Variants in DPEP1 observed in about 807,000 individuals in gnomAD.
DPEP1 encodes the protein dipeptidase 1.
DPEP1 carries 50 observed loss-of-function variants against 42.3 expected under a neutral mutation model. That is an observed-to-expected ratio of 1.18 (90% CI 0.94 to 1.50). DPEP1 has a LOEUF of 1.50. Among genes scored for constraint, DPEP1 ranks in the 40% most tolerant of loss-of-function variants. The pLI is 0.00. For missense variants in DPEP1, 663 were observed against 553.0 expected, an observed-to-expected ratio of 1.20 and a Z score of -1.99; for synonymous variants, 297 against 234.0, an observed-to-expected ratio of 1.27 and a Z score of -2.46.
intron 1 of DPEP1, among the ~76,000 whole-genome samples, chr16:89,621,664 C>G (rs543104894): frequency 6.6e-6 from 1 of 152,340 alleles, no homozygotes; most frequent in African/African-American, 2.4e-5. Context: ...GTCCCTCGCA[C>G]ATGCAAGGAA....
intron 1 of DPEP1, among the ~76,000 whole-genome samples, chr16:89,627,307 G>C (rs1443227414): frequency 6.8e-6 from 1 of 147,498 alleles, no homozygotes; most frequent in Non-Finnish European, 1.5e-5. Context: ...GTGGGATCAG[G>C]CATGGTGGCT....
intron 1 of DPEP1, among the ~76,000 whole-genome samples, chr16:89,625,253 G>T (rs1038741124): frequency 6.6e-6 from 1 of 151,964 alleles, no homozygotes; most frequent in African/African-American, 2.4e-5. Context: ...GATTCAGCAC[G>T]AATTGGCCTA....
intron 1 of DPEP1, among the ~76,000 whole-genome samples, chr16:89,626,924 C>T (rs1399350886): frequency 2.0e-5 from 3 of 150,918 alleles, no homozygotes; most frequent in African/African-American, 7.3e-5. Flanking sequence ...TTGAGACCAC[C>T]CTGGCCAACA....
chr16:89,619,710 C>T (rs138106968), intron 1 of DPEP1, among the ~76,000 whole-genome samples: 37 of 2,974 alleles, frequency 0.012, 4 homozygotes, highest in South Asian at 0.024. Context: ...CCCCTCCCTG[C>T]AGCCCCCTGC....
chr16:89,628,225 A>G (rs1431646325), intron 1 of DPEP1, among the ~76,000 whole-genome samples: 3 of 149,526 alleles, frequency 2.0e-5, no homozygotes, highest in Non-Finnish European at 4.4e-5. Context: ...CCCGGCCACA[A>G]AAGGTATTTC....
At chr16:89,637,730 C>G in intron 9 of DPEP1, 23 bp downstream of exon 9, 1 of 1,613,008 alleles carries the variant, frequency 6.2e-7, no homozygotes, top group South Asian at 1.1e-5. Context: ...GAGCTCTGTC[C>G]TGTGGATGAG....
Position 89,637,471 on chromosome 16 carries a change from C to G in DPEP1, c.772C>G (p.Gln258Glu). Residue 258 changes from glutamine to glutamate, a missense_variant, in exon 8 of 11, where the codon CAG becomes GAG. By Grantham distance (29) the Gln-to-Glu change is conservative. Transcript: ENST00000690203. ...CCCTGTCTTCCTTCTTGTGCAGAAA[C>G]AGACAGACAGCCTGGTGATGGTGAA... The part of the protein sequence containing the change: ...VPDDVLRLVK[Q>E]TDSLVMVNFY... The G allele has an allele frequency of 6.2e-7, 1 of 1,612,674 alleles. No individual in the cohort carries two copies.
intron 1 of DPEP1, among the ~76,000 whole-genome samples, chr16:89,624,491 C>T (rs560381556): frequency 2.0e-3 from 297 of 151,200 alleles, no homozygotes; most frequent in Non-Finnish European, 2.8e-3. Context: ...CGAGAAAGGT[C>T]GGGAGTGGGG....
At chr16:89,613,356 C>T (rs897139860), upstream of DPEP1, 1 of 151,620 alleles carries the variant, frequency 6.6e-6, no homozygotes, top group Non-Finnish European at 1.5e-5. Context: ...TCTCAGGGCA[C>T]TCTCAGGAAA....
At chr16:89,640,720 C>T, downstream of DPEP1, 2 of 797,178 alleles carry the variant, frequency 2.5e-6, no homozygotes, top group Non-Finnish European at 3.0e-6. Context: ...GGTATTAGGC[C>T]TAATTTTATT....
intron 2 of DPEP1, among the ~76,000 whole-genome samples, chr16:89,631,728 A>T (rs563543210): frequency 6.6e-6 from 1 of 152,100 alleles, no homozygotes; most frequent in Non-Finnish European, 1.5e-5. Context: ...ATGGTGGCGC[A>T]TGCCTGTAGT....
Position 89,630,492 on chromosome 16 carries a change from A to G in DPEP1, c.82A>G (p.Arg28Gly), listed in dbSNP as rs143733669. ...TCGGGACGAGGCAGAGAGGATCATG[A>G]GGGACTCCCCTGTCATTGATGGGTG... is the stretch of plus-strand genomic sequence containing the variant. The part of the protein sequence containing the change: ...FFRDEAERIM[R>G]DSPVIDGHND... The change falls in exon 2 of 11, where the codon AGG (arginine) becomes GGG (glycine). Residue 28 changes from arginine (R) to glycine (G), a missense_variant. Transcript: ENST00000690203. 1 of 1,591,546 alleles carries G rather than the reference A, an allele frequency of 6.3e-7. No individual in the cohort carries two copies. The highest frequency in any genetic ancestry group is 1.4e-5 in the African/African-American group (1 of 71,186).
chr16:89,617,404 T>G (rs1053793931), intron 1 of DPEP1, among the ~76,000 whole-genome samples: 4 of 152,120 alleles, frequency 2.6e-5, no homozygotes, highest in African/African-American at 9.7e-5. Flanking sequence ...GAAGAATTGC[T>G]CAGCTAACAT....
At chr16:89,625,136 G>C in intron 1 of DPEP1, among the ~76,000 whole-genome samples, 1 of 152,086 alleles carries the variant, frequency 6.6e-6, no homozygotes, top group East Asian at 1.9e-4. Flanking sequence ...TGGATTCAGC[G>C]TGCTTTGGCC....
chr16:89,621,063 C>A (rs1201013811), intron 1 of DPEP1, among the ~76,000 whole-genome samples: 1 of 151,840 alleles, frequency 6.6e-6, no homozygotes, highest in Non-Finnish European at 1.5e-5. Context: ...GAGGATGGAA[C>A]CGGCGGGGGC....
chr16:89,636,083 C>T (rs1443184768), intron 3 of DPEP1, 43 bp downstream of exon 3: 4 of 1,577,930 alleles, frequency 2.5e-6, no homozygotes, highest in Middle Eastern at 1.7e-4. Flanking sequence ...GTGGGGTCAT[C>T]CCGTCTCCTA....
At chr16:89,636,139 G>C in intron 3 of DPEP1, 99 bp downstream of exon 3, 1 of 1,546,784 alleles carries the variant, frequency 6.5e-7, no homozygotes, top group South Asian at 1.2e-5. Flanking sequence ...TGTTCCTCCA[G>C]GGTCCCTCGG....
intron 1 of DPEP1, among the ~76,000 whole-genome samples, chr16:89,623,646 C>T (rs558497076): frequency 6.6e-6 from 1 of 152,080 alleles, no homozygotes; most frequent in Non-Finnish European, 1.5e-5. Context: ...CTCCGGAGAC[C>T]AGACGCACAA....
intron 1 of DPEP1, among the ~76,000 whole-genome samples, chr16:89,628,430 G>A (rs535239785): frequency 1.1e-3 from 151 of 143,034 alleles, no homozygotes; most frequent in South Asian, 3.2e-3. Context: ...GCTAATTTTT[G>A]TATTTTTAGT....
Sources: allele counts gnomAD v4.1 joint callset (sites outside exome capture counted in the v4.1 genomes callset), GRCh38; gene constraint gnomAD v4.1.1; transcripts MANE v1.5; gene names NCBI Gene and HGNC (gene_info 2026-07-23, HGNC 2026-07-21).